Variants in NEBL observed in about 807,000 individuals in gnomAD.
NEBL encodes the protein LIM and SH3 protein 2.
NEBL carries 122 observed loss-of-function variants against 140.2 expected under a neutral mutation model. That is an observed-to-expected ratio of 0.87 (90% CI 0.75 to 1.01). NEBL has a LOEUF of 1.01. Among genes scored for constraint, NEBL ranks in the 50% least tolerant of loss-of-function variants. NEBL has a pLI of 0.00. For synonymous variants in NEBL, 436 were observed against 398.9 expected (o/e 1.09, Z -1.11); for missense variants, 1,365 against 1,231.3 (o/e 1.11, Z -1.62).
intron 1 of NEBL, among the ~76,000 whole-genome samples, chr10:21,292,735 A>G (rs1055219451): frequency 1.4e-4 from 21 of 152,336 alleles, no homozygotes; most frequent in African/African-American, 4.8e-4. Context: ...TATCTTGTGA[A>G]AGGAAAGCTC....
chr10:20,794,215 G>C (rs1564329914), intron 26 of NEBL, among the ~76,000 whole-genome samples: 2 of 152,352 alleles, frequency 1.3e-5, no homozygotes, highest in East Asian at 3.9e-4. Flanking sequence ...GCGGTCATCA[G>C]CTGAGAGGAA....
intron 2 of NEBL, among the ~76,000 whole-genome samples, chr10:21,066,971 C>CTTTTTT (rs56352671): frequency 0.026 from 2,951 of 112,712 alleles, 154 homozygotes; most frequent in Non-Finnish European, 0.037. Context: ...AATAATTTAA[C>CTTTTTT]TTTTTTTTTT....
chr10:21,007,893 C>T (rs927631895), intron 3 of NEBL, among the ~76,000 whole-genome samples: 1 of 152,166 alleles, frequency 6.6e-6, no homozygotes, highest in African/African-American at 2.4e-5. Flanking sequence ...TTCACATTCG[C>T]TATTTCTTAA....
At chr10:20,795,330 A>G (rs1836403118) in intron 26 of NEBL, among the ~76,000 whole-genome samples, 1 of 152,134 alleles carries the variant, frequency 6.6e-6, no homozygotes, top group African/African-American at 2.4e-5. Context: ...TTTGTCATTA[A>G]TTTGTGTGTA....
intron 3 of NEBL, among the ~76,000 whole-genome samples, chr10:21,218,471 T>TC (rs905652648): frequency 1.3e-5 from 2 of 151,774 alleles, no homozygotes; most frequent in African/African-American, 4.9e-5. Context: ...AAGATAAAAT[T>TC]TTTTTATCTT....
chr10:21,132,954 C>A (rs1224951569), intron 2 of NEBL, among the ~76,000 whole-genome samples: 3 of 152,138 alleles, frequency 2.0e-5, no homozygotes, highest in Non-Finnish European at 4.4e-5. Flanking sequence ...TTGAGAGTGT[C>A]CTTGAAGGAC....
chr10:21,008,008 A>G (rs1444103611), intron 3 of NEBL, among the ~76,000 whole-genome samples: 2 of 152,194 alleles, frequency 1.3e-5, no homozygotes, highest in Non-Finnish European at 2.9e-5. Context: ...AGTGAATTAA[A>G]TCATACTTAG....
chr10:20,791,180 G>A (rs764596507), intron 26 of NEBL, among the ~76,000 whole-genome samples: 7 of 152,186 alleles, frequency 4.6e-5, no homozygotes, highest in Middle Eastern at 3.2e-3. Flanking sequence ...TCTAGAAGCT[G>A]TCTAAAGCTC....
intron 4 of NEBL, among the ~76,000 whole-genome samples, chr10:20,913,746 C>A (rs780909689): frequency 1.3e-5 from 2 of 152,056 alleles, no homozygotes; most frequent in Non-Finnish European, 2.9e-5. Context: ...ACCCTGCATT[C>A]TTGGGTTAAA....
At chr10:20,946,272 T>C (rs1275446005) in intron 4 of NEBL, among the ~76,000 whole-genome samples, 2 of 152,190 alleles carry the variant, frequency 1.3e-5, no homozygotes, top group African/African-American at 4.8e-5. Flanking sequence ...TTTCAAATAA[T>C]CTTTTCATCT....
intron 26 of NEBL, among the ~76,000 whole-genome samples, chr10:20,801,649 A>G (rs903287022): frequency 1.3e-5 from 2 of 152,092 alleles, no homozygotes; most frequent in Non-Finnish European, 2.9e-5. Flanking sequence ...TCTCACACAT[A>G]CAAGAGATAC....
upstream of NEBL, among the ~76,000 whole-genome samples, chr10:21,176,956 A>C (rs1841310735): frequency 6.6e-6 from 1 of 152,240 alleles, no homozygotes; most frequent in South Asian, 2.1e-4. Context: ...ACTCCAAATA[A>C]AAGTTTTAAA....
intron 4 of NEBL, among the ~76,000 whole-genome samples, chr10:20,943,415 G>A (rs1315021492): frequency 6.6e-6 from 1 of 152,170 alleles, no homozygotes; most frequent in Non-Finnish European, 1.5e-5. Flanking sequence ...ACAGGAAGGG[G>A]AACATCACAC....
chr10:21,139,416 C>T (rs1231372015), intron 2 of NEBL, among the ~76,000 whole-genome samples: 1 of 151,934 alleles, frequency 6.6e-6, no homozygotes, highest in Non-Finnish European at 1.5e-5. Flanking sequence ...ATGAGGATAC[C>T]CTACGTCCAC....
chr10:20,908,453 G>A (rs1848191740), intron 4 of NEBL, among the ~76,000 whole-genome samples: 1 of 152,106 alleles, frequency 6.6e-6, no homozygotes, highest in Non-Finnish European at 1.5e-5. Context: ...AAGCCCCCAT[G>A]GGCGTTAGAA....
chr10:20,976,774 AGGAG>A (rs971996329), intron 3 of NEBL, among the ~76,000 whole-genome samples: 3 of 151,834 alleles, frequency 2.0e-5, no homozygotes, highest in Non-Finnish European at 4.4e-5. Flanking sequence ...TTCAAAAGGG[AGGAG>A]GGAGGGAGGG....
chr10:21,125,793 G>A (rs1460753810), intron 2 of NEBL: 2 of 1,489,790 alleles, frequency 1.3e-6, no homozygotes, highest in Admixed American at 1.7e-5. Flanking sequence ...ATTGTATATG[G>A]TATGGTATAA....
intron 2 of NEBL, among the ~76,000 whole-genome samples, chr10:21,096,602 C>G (rs1837198988): frequency 6.6e-6 from 1 of 152,000 alleles, no homozygotes; most frequent in Non-Finnish European, 1.5e-5. Flanking sequence ...AAGCCTCAAG[C>G]TCCTGGGCTC....
At chr10:20,881,627 AT>A (rs999023573) in intron 4 of NEBL, among the ~76,000 whole-genome samples, 1 of 152,182 alleles carries the variant, frequency 6.6e-6, no homozygotes, top group Non-Finnish European at 1.5e-5. Flanking sequence ...TTCCTTCATA[AT>A]GTTTAATTAC....
Sources: gnomAD v4.1 joint callset for allele counts (sites outside exome capture counted in the v4.1 genomes callset) on GRCh38, gnomAD v4.1.1 for gene constraint, MANE v1.5 for transcripts, NCBI Gene and HGNC (gene_info 2026-07-23, HGNC 2026-07-21) for gene names.